ADAM12: variants seen among roughly 807,000 people sequenced by gnomAD.
ADAM12 encodes disintegrin and metalloproteinase domain-containing protein 12.
Under a neutral mutation model 106.4 loss-of-function variants are expected in ADAM12, and 70 were observed. That is an observed-to-expected ratio of 0.66 (90% confidence interval 0.54 to 0.80). The LOEUF (loss-of-function observed/expected upper bound fraction) is 0.80. Ranked by LOEUF, ADAM12 falls within the 30% of genes least tolerant of loss-of-function variation. ADAM12 has a pLI of 0.00. For synonymous variants in ADAM12, 420 were observed against 433.5 expected (o/e 0.97, Z 0.39); for missense variants, 1,010 against 1,171.9 (o/e 0.86, Z 2.02).
chr10:126,371,057 A>C (rs2133919968), intron 1 of ADAM12, among the ~76,000 whole-genome samples: 1 of 152,356 alleles, frequency 6.6e-6, no homozygotes, highest in East Asian at 1.9e-4. Context: ...CTATTTGTGC[A>C]GTAATTCATG....
intron 3 of ADAM12, among the ~76,000 whole-genome samples, chr10:126,192,667 C>G (rs1225014901): frequency 6.6e-6 from 1 of 152,194 alleles, no homozygotes; most frequent in Non-Finnish European, 1.5e-5. Context: ...GGATCCCCCT[C>G]GGGAATATTT....
intron 2 of ADAM12, among the ~76,000 whole-genome samples, chr10:126,326,282 A>G (rs1285810682): frequency 6.6e-6 from 1 of 151,838 alleles, no homozygotes; most frequent in African/African-American, 2.4e-5. Flanking sequence ...GAGGTTGAAC[A>G]CTGTTATTTG....
intron 18 of ADAM12, chr10:126,042,151 G>A (rs748141174): frequency 3.7e-6 from 6 of 1,613,568 alleles, no homozygotes; most frequent in Non-Finnish European, 5.1e-6. Flanking sequence ...TGTCAGTGAG[G>A]CAGTAGACGC....
intron 3 of ADAM12, among the ~76,000 whole-genome samples, chr10:126,159,307 C>CAAAAAAAAAAAAAA (rs3069557): frequency 3.7e-5 from 3 of 80,594 alleles, no homozygotes; most frequent in East Asian, 3.5e-4. Flanking sequence ...GAGACTCCAT[C>CAAAAAAAAAAAAAA]AAAAAAAAAA....
intron 3 of ADAM12, among the ~76,000 whole-genome samples, chr10:126,275,195 T>G (rs1292871505): frequency 6.6e-6 from 1 of 152,198 alleles, no homozygotes. Flanking sequence ...GAAAAGCTGA[T>G]GCCAAAGCTG....
chr10:126,278,871 G>T, intron 3 of ADAM12, 44 bp downstream of exon 3: 2 of 1,451,622 alleles, frequency 1.4e-6, no homozygotes, highest in Non-Finnish European at 9.6e-7. Flanking sequence ...TGTCCATGGT[G>T]TCTTAACTTT....
chr10:126,035,561 C>T (rs1954044247), intron 21 of ADAM12, among the ~76,000 whole-genome samples: 1 of 152,084 alleles, frequency 6.6e-6, no homozygotes. Flanking sequence ...CAGTGATTAT[C>T]TCCTACTTAT....
At chr10:126,071,778 G>A in intron 11 of ADAM12, 124 bp from the exon 12 acceptor site, 1 of 1,015,000 alleles carries the variant, frequency 9.9e-7, no homozygotes, top group Non-Finnish European at 1.4e-6. Context: ...TGGTCTCAAT[G>A]AACAATGCAT....
At chr10:126,105,337 C>T (rs1197751823) in intron 8 of ADAM12, among the ~76,000 whole-genome samples, 2 of 152,152 alleles carry the variant, frequency 1.3e-5, no homozygotes, top group East Asian at 3.8e-4. Flanking sequence ...TCAGCAATTT[C>T]CAGTTTGGGT....
At chr10:126,373,487 A>G (rs949879570) in intron 1 of ADAM12, among the ~76,000 whole-genome samples, 12 of 152,206 alleles carry the variant, frequency 7.9e-5, no homozygotes, top group African/African-American at 2.7e-4. Flanking sequence ...GAAGTTGAGA[A>G]TCAAGCTGCC....
At chr10:126,122,454 C>T (rs938545902) in intron 5 of ADAM12, among the ~76,000 whole-genome samples, 3 of 151,972 alleles carry the variant, frequency 2.0e-5, no homozygotes, top group Admixed American at 6.6e-5. Context: ...ATTAAGGATG[C>T]GAACTTAAAA....
At chr10:126,217,260 G>A (rs576169893) in intron 3 of ADAM12, among the ~76,000 whole-genome samples, 16 of 151,940 alleles carry the variant, frequency 1.1e-4, no homozygotes, top group African/African-American at 3.9e-4. Context: ...GAGAGCAAAG[G>A]TTACTGAGAA....
chr10:126,267,899 G>A (rs969111404), intron 3 of ADAM12, among the ~76,000 whole-genome samples: 5 of 152,242 alleles, frequency 3.3e-5, no homozygotes, highest in African/African-American at 1.2e-4. Context: ...GGACAGGGAG[G>A]GAGACCTTTT....
chr10:126,376,128 T>C (rs1023863728), intron 1 of ADAM12, among the ~76,000 whole-genome samples: 45 of 152,016 alleles, frequency 3.0e-4, no homozygotes, highest in African/African-American at 1.0e-3. Flanking sequence ...ATAAGGAATG[T>C]ATAGGAAAAA....
At chr10:126,357,067 T>C (rs1855565004) in intron 1 of ADAM12, among the ~76,000 whole-genome samples, 1 of 152,098 alleles carries the variant, frequency 6.6e-6, no homozygotes, top group African/African-American at 2.4e-5. Context: ...GCTGAAAACT[T>C]CCCTAACCTG....
intron 11 of ADAM12, among the ~76,000 whole-genome samples, chr10:126,074,933 A>G (rs1262119354): frequency 4.6e-5 from 7 of 152,172 alleles, no homozygotes. Flanking sequence ...TCAAACTTCC[A>G]GCAACTCCTG....
intron 1 of ADAM12, among the ~76,000 whole-genome samples, chr10:126,364,643 AC>A (rs1300662447): frequency 3.3e-5 from 5 of 152,206 alleles, no homozygotes; most frequent in Non-Finnish European, 5.9e-5. Flanking sequence ...ATTATGGCTC[AC>A]AAAAGGGTAG....
In ADAM12 at chr10:126,229,074, A is replaced by G. The variant is rs1011834; in HGVS notation, c.260+49841T>C. Among the ~76,000 whole-genome samples, 1,491 of 152,324 alleles carry G rather than the reference A, an allele frequency of 9.8e-3. 43 individuals are homozygous for G. The East Asian group carries it at 0.12, about 12-fold the overall frequency. On this transcript the variant is annotated intron_variant, in intron 3 of 22. Transcript: ENST00000448723. ...AGAAAAACCTGAGATGACCACGCTA[A>G]TGGAAACACTTCTGCAGGGAGCCTG...
At chr10:126,354,085 A>AT (rs1855458239) in intron 1 of ADAM12, among the ~76,000 whole-genome samples, 1 of 143,676 alleles carries the variant, frequency 7.0e-6, no homozygotes, top group Admixed American at 6.9e-5. Flanking sequence ...ACTTAGACTT[A>AT]TTTTTTCATT....
Sources: gnomAD v4.1 joint callset for allele counts (sites outside exome capture counted in the v4.1 genomes callset) on GRCh38, gnomAD v4.1.1 for gene constraint, MANE v1.5 for transcripts, NCBI Gene and HGNC (gene_info 2026-07-23, HGNC 2026-07-21) for gene names.